Variants in MGAT4C observed in about 807,000 individuals in gnomAD.
MGAT4C encodes MGAT4 family member C, also known as alpha-1,3-mannosyl-glycoprotein 4-beta-N-acetylglucosaminyltransferase C.
MGAT4C carries 19 observed loss-of-function variants against 40.1 expected under a neutral mutation model. That is an observed-to-expected ratio of 0.47 (90% CI 0.33 to 0.70). MGAT4C has a LOEUF of 0.70. MGAT4C is among the 30% of genes least tolerant of loss of function. The pLI is 0.02. For missense variants in MGAT4C, 491 were observed against 563.2 expected, an observed-to-expected ratio of 0.87 and a Z score of 1.30; for synonymous variants, 181 against 187.1, an observed-to-expected ratio of 0.97 and a Z score of 0.27.
intron 4 of MGAT4C, 131 bp from the exon 5 acceptor site, chr12:85,980,561 A>G (rs891337139): frequency 1.4e-6 from 1 of 736,156 alleles, no homozygotes; most frequent in African/African-American, 1.8e-5. Context: ...GACTATGCAC[A>G]GAACATTTTA....
At chr12:86,780,545 C>T (rs1271755648) in intron 1 of MGAT4C, among the ~76,000 whole-genome samples, 2 of 152,120 alleles carry the variant, frequency 1.3e-5, no homozygotes, top group Non-Finnish European at 2.9e-5. Context: ...CTCTCTTTCT[C>T]CTGCTCCACC....
intron 3 of MGAT4C, among the ~76,000 whole-genome samples, chr12:86,431,103 G>A (rs1175751134): frequency 6.6e-6 from 1 of 152,106 alleles, no homozygotes; most frequent in Non-Finnish European, 1.5e-5. Flanking sequence ...CCTGAGGCAG[G>A]GTGAGTTAAA....
chr12:85,995,462 C>T (rs950048301), intron 2 of MGAT4C, among the ~76,000 whole-genome samples: 1 of 152,140 alleles, frequency 6.6e-6, no homozygotes, highest in African/African-American at 2.4e-5. Context: ...GTAGGCCAAA[C>T]AGTTCCTGAA....
chr12:86,688,352 G>A (rs1950113161), intron 2 of MGAT4C, among the ~76,000 whole-genome samples: 1 of 151,876 alleles, frequency 6.6e-6, no homozygotes, highest in African/African-American at 2.4e-5. Context: ...TACATTTAAG[G>A]TCAATATTGT....
intron 2 of MGAT4C, among the ~76,000 whole-genome samples, chr12:86,442,086 G>C (rs182588656): frequency 1.3e-5 from 2 of 152,116 alleles, no homozygotes; most frequent in African/African-American, 4.8e-5. Context: ...GCATTTCTCT[G>C]ATGGCCAGTG....
chr12:86,184,792 C>G (rs895449466), intron 1 of MGAT4C, among the ~76,000 whole-genome samples: 3 of 149,872 alleles, frequency 2.0e-5, no homozygotes, highest in East Asian at 3.9e-4. Flanking sequence ...TTTGGACCAG[C>G]CTCCTGCACT....
chr12:86,267,207 T>C (rs1389731823), intron 4 of MGAT4C, among the ~76,000 whole-genome samples: 2 of 152,180 alleles, frequency 1.3e-5, no homozygotes, highest in South Asian at 2.1e-4. Flanking sequence ...TTGTAATCTT[T>C]CTACTTTTTT....
chr12:86,838,429 C>T (rs1008219869), intron 1 of MGAT4C, among the ~76,000 whole-genome samples: 2 of 152,120 alleles, frequency 1.3e-5, no homozygotes, highest in Admixed American at 6.6e-5. Flanking sequence ...GCCTGCAGCA[C>T]GGTTTTGTTG....
At chr12:86,779,190 TA>T (rs1319635344) in intron 1 of MGAT4C, among the ~76,000 whole-genome samples, 1 of 152,030 alleles carries the variant, frequency 6.6e-6, no homozygotes, top group Admixed American at 6.6e-5. Flanking sequence ...TTACCCCATA[TA>T]AAAGACAAAA....
intron 1 of MGAT4C, among the ~76,000 whole-genome samples, chr12:86,774,089 G>T (rs1951688221): frequency 6.6e-6 from 1 of 150,866 alleles, no homozygotes; most frequent in Non-Finnish European, 1.5e-5. Context: ...AAGCAGCTGG[G>T]ACTACAGCTG....
intron 2 of MGAT4C, among the ~76,000 whole-genome samples, chr12:86,717,644 GT>G (rs1555222545): frequency 1.3e-5 from 2 of 151,970 alleles, no homozygotes; most frequent in Non-Finnish European, 2.9e-5. Context: ...TTTATAAATT[GT>G]TTTTATTCAA....
At chr12:86,838,772 G>C (rs1478256338) in exon 1 of MGAT4C, 1 of 152,116 alleles carries the variant, frequency 6.6e-6, no homozygotes, top group Non-Finnish European at 1.5e-5. Flanking sequence ...CATTCCCTGG[G>C]CTCAGTTCTC....
intron 2 of MGAT4C, among the ~76,000 whole-genome samples, chr12:86,494,578 T>C (rs1958203987): frequency 6.6e-6 from 1 of 151,698 alleles, no homozygotes; most frequent in South Asian, 2.1e-4. Flanking sequence ...ATAGAAAGCA[T>C]TGTATAAATG....
At position 86,038,660 on chromosome 12, in the gene MGAT4C, G is replaced by A. The variant is rs181420685; in HGVS notation, c.-7+11014C>T. On this transcript the variant is annotated intron_variant, in intron 2 of 4. Transcript: ENST00000611864. Reference sequence around the variant, plus strand: ...ATGTGAGATAGGTCTCCTGAATACAGCACACCGATGGGTCTTGACTCTATC... The same window carrying A: ...ATGTGAGATAGGTCTCCTGAATACAACACACCGATGGGTCTTGACTCTATC... Among the ~76,000 whole-genome samples, 313 of 149,634 alleles carry A rather than the reference G, an allele frequency of 2.1e-3. 8 individuals carry two copies. Among genetic ancestry groups the A allele is most frequent in the African/African-American group, 7.3e-3 (300 of 41,250 alleles).
intron 2 of MGAT4C, among the ~76,000 whole-genome samples, chr12:85,997,336 G>T (rs1468674869): frequency 6.6e-6 from 1 of 152,066 alleles, no homozygotes; most frequent in Non-Finnish European, 1.5e-5. Context: ...ATGAGATTTG[G>T]GTGGGGAACC....
chr12:86,316,079 CAAAAAAAAAAAAAAAA>C (rs71076185), intron 4 of MGAT4C, among the ~76,000 whole-genome samples: 1 of 34,062 alleles, frequency 2.9e-5, no homozygotes, highest in African/African-American at 1.1e-4. Flanking sequence ...ATACAAGCAG[CAAAAAAAAAAAAAAAA>C]AAAAAAAAAA....
intron 3 of MGAT4C, among the ~76,000 whole-genome samples, chr12:86,371,584 A>G (rs10858420): frequency 0.9 from 136,308 of 151,922 alleles, 61,421 homozygotes; most frequent in East Asian, 1. Flanking sequence ...TTTAAAAAAT[A>G]TGTTCCTGTT....
chr12:86,532,811 T>C (rs1384840115), intron 2 of MGAT4C, among the ~76,000 whole-genome samples: 3 of 152,024 alleles, frequency 2.0e-5, no homozygotes, highest in Non-Finnish European at 4.4e-5. Context: ...AGTCATGATA[T>C]TTTTACACTT....
intron 3 of MGAT4C, among the ~76,000 whole-genome samples, chr12:86,346,566 A>G (rs1566307470): frequency 6.6e-6 from 1 of 152,166 alleles, no homozygotes; most frequent in South Asian, 2.1e-4. Flanking sequence ...AATTTGTTTA[A>G]CTATTCACCT....
Sources: allele counts gnomAD v4.1 joint callset (sites outside exome capture counted in the v4.1 genomes callset), GRCh38; gene constraint gnomAD v4.1.1; transcripts MANE v1.5; gene names NCBI Gene and HGNC (gene_info 2026-07-23, HGNC 2026-07-21).